Variants in PMS1 observed in about 807,000 individuals in gnomAD.
The protein encoded by PMS1 is PMS1 protein homolog 1.
Under a neutral mutation model 93.1 loss-of-function variants are expected in PMS1, and 79 were observed. The ratio of observed to expected loss-of-function variants is 0.85; its 90% CI spans 0.71 to 1.02. The LOEUF (loss-of-function observed/expected upper bound fraction) is 1.02, where lower values mean the gene tolerates loss of function less well. Among genes scored for constraint, PMS1 ranks in the 50% least tolerant of loss-of-function variants. The probability of loss-of-function intolerance (pLI) is 0.00; values close to 1 mark genes in which losing one functional copy is unlikely to be tolerated. For missense variants in PMS1, 1,064 were observed against 1,085.3 expected, an observed-to-expected ratio of 0.98 and a Z score of 0.28; for synonymous variants, 335 against 363.4, an observed-to-expected ratio of 0.92 and a Z score of 0.89.
intron 9 of PMS1, among the ~76,000 whole-genome samples, chr2:189,860,146 T>C: frequency 6.6e-6 from 1 of 152,222 alleles, no homozygotes; most frequent in East Asian, 1.9e-4. Flanking sequence ...TGCATTTTCA[T>C]ACATGTGTAC....
At chr2:189,876,685 T>C (rs2057593395) in intron 12 of PMS1, among the ~76,000 whole-genome samples, 1 of 152,010 alleles carries the variant, frequency 6.6e-6, no homozygotes, top group South Asian at 2.1e-4. Context: ...CACAGCTCAC[T>C]GCAGTCTTGA....
At chr2:189,826,806 A>G (rs1487941862) in intron 5 of PMS1, among the ~76,000 whole-genome samples, 1 of 152,262 alleles carries the variant, frequency 6.6e-6, no homozygotes, top group East Asian at 1.9e-4. Flanking sequence ...TATTCCCCTT[A>G]ATAGTGAGTG....
Position 189,867,875 on chromosome 2 carries a change from T to TA in PMS1, c.2420dup (p.Tyr807Ter), listed in dbSNP as rs1300082943. 1 of 1,597,222 alleles carries TA rather than the reference T, an allele frequency of 6.3e-7. No homozygotes were observed. Among genetic ancestry groups the TA allele is most frequent in the African/African-American group, 1.3e-5 (1 of 74,608 alleles). The change falls in exon 11 of 13, where the codon TAC becomes TAAC. Residue 807 changes from tyrosine to a stop codon, truncating the protein, a stop_gained and frameshift_variant. Coordinates refer to ENST00000441310, the MANE Select transcript of PMS1 (RefSeq NM_000534.5). LOFTEE classifies it high-confidence loss of function. ...ADDQRYSGSTYLSDPRLTANG... is the reference protein window; with the variant it reads ...ADDQRYSGST ...TGACCAAAGATACAGTGGATCAACT[T>TA]ACCTGTCTGATCCTCGTCTTACAGC...
At chr2:189,827,378 T>G (rs1243313481) in intron 5 of PMS1, among the ~76,000 whole-genome samples, 1 of 152,234 alleles carries the variant, frequency 6.6e-6, no homozygotes, top group African/African-American at 2.4e-5. Context: ...TCTAAGGCCC[T>G]TTTTAACTCT....
intron 3 of PMS1, 139 bp from the exon 4 acceptor site, chr2:189,805,513 A>G: frequency 1.3e-6 from 1 of 754,480 alleles, no homozygotes; most frequent in Non-Finnish European, 2.3e-6. Context: ...GAATATTACA[A>G]AAGAACTGGT....
intron 1 of PMS1, 199 bp downstream of exon 1, chr2:189,784,792 G>A (rs997459932): frequency 1.3e-5 from 2 of 152,296 alleles, no homozygotes; most frequent in Non-Finnish European, 2.9e-5. Flanking sequence ...GGGGTGTTCT[G>A]GCTTGGTCTT....
Position 189,799,902 on chromosome 2 carries a change from C to A in PMS1, c.315+3951C>A, listed in dbSNP as rs139588074. 1.2e-3 allele frequency among the ~76,000 whole-genome samples: 184 copies of A among 152,322 alleles called. 2 individuals carry two copies. Among genetic ancestry groups the A allele is most frequent in the African/African-American group, 4.0e-3 (165 of 41,578 alleles). On this transcript the variant is annotated intron_variant, in intron 3 of 12. Coordinates refer to ENST00000441310, the MANE Select transcript of PMS1 (RefSeq NM_000534.5). ...CTGGTGATCATCCCAAAGAACCCCC[C>A]AATAAACTGACTGCTCACTAATCTC...
intron 2 of PMS1, among the ~76,000 whole-genome samples, chr2:189,795,337 T>C (rs965092722): frequency 3.9e-5 from 6 of 152,230 alleles, no homozygotes; most frequent in Non-Finnish European, 7.3e-5. Context: ...TGAATAATGA[T>C]ACTTGCTAGG....
In PMS1 at chr2:189,803,764, T is replaced by A. The variant is rs146493422; in HGVS notation, c.316-1888T>A. On this transcript the variant is annotated intron_variant, in intron 3 of 12. Coordinates refer to ENST00000441310, the MANE Select transcript of PMS1 (RefSeq NM_000534.5). ...TTCATAAATTTATGAAGTACACTTATGTGTTTGCTTTATGCTTTACTGTCT... is the reference window on the plus strand; with the variant it reads ...TTCATAAATTTATGAAGTACACTTAAGTGTTTGCTTTATGCTTTACTGTCT... Among the ~76,000 whole-genome samples, 464 of 152,346 alleles carry A rather than the reference T, an allele frequency of 3.0e-3. 12 individuals are homozygous for A. The highest frequency in any genetic ancestry group is 6.3e-4 in the Non-Finnish European group (43 of 68,036).
chr2:189,792,842 C>T (rs1233261), intron 2 of PMS1, among the ~76,000 whole-genome samples: 2,809 of 151,286 alleles, frequency 0.019, 83 homozygotes, highest in African/African-American at 0.064. Context: ...GGCAGAGTCT[C>T]GCTTTTTCGC....
chr2:189,862,159 T>A (rs1411776593), intron 9 of PMS1, among the ~76,000 whole-genome samples: 2 of 152,176 alleles, frequency 1.3e-5, no homozygotes, highest in Non-Finnish European at 2.9e-5. Flanking sequence ...TGCAATGCTT[T>A]TCCAGTTGTC....
Position 189,789,778 on chromosome 2 carries a change from CAAAG to C in PMS1, c.-20-2011_-20-2008del, listed in dbSNP as rs2048677293. On this transcript the variant is annotated intron_variant, in intron 1 of 12. Coordinates refer to ENST00000441310, the MANE Select transcript of PMS1 (RefSeq NM_000534.5). ...GGAGCATGTAACTAGTCATGGGAAA[CAAAG>C]TACCTTGAGTCCACCCCCAGCCCCC... Among the ~76,000 whole-genome samples, 10 of 152,214 alleles carry C rather than the reference CAAAG, an allele frequency of 6.6e-5. No homozygotes were observed. In the South Asian group the frequency reaches 2.1e-3, roughly 32 times the overall value.
intron 5 of PMS1, among the ~76,000 whole-genome samples, chr2:189,840,807 T>C (rs2053762188): frequency 6.6e-6 from 1 of 152,208 alleles, no homozygotes; most frequent in African/African-American, 2.4e-5. Flanking sequence ...TTTTGGACTT[T>C]ACTATTCTAA....
In PMS1 at chr2:189,853,875, T is replaced by A. The variant is rs540676002; in HGVS notation, c.823-64T>A. On this transcript the variant is annotated intron_variant, in intron 7 of 12. Transcript: ENST00000441310. ...TACTCAATTTCTCAGTTGAATTTGC[T>A]GGGTTTTATTGTACTTTTTAATTAC... 71 of 1,030,674 alleles carry A rather than the reference T, an allele frequency of 6.9e-5. No homozygotes were observed. The African/African-American group carries it at 1.0e-3, about 15-fold the overall frequency. The allele number at this position is 1,030,674 out of a possible 1,614,324, so 63.8% of individuals were successfully genotyped here.
chr2:189,802,745 A>G (rs1477892829), intron 3 of PMS1, among the ~76,000 whole-genome samples: 1 of 152,224 alleles, frequency 6.6e-6, no homozygotes, highest in African/African-American at 2.4e-5. Flanking sequence ...TAATGTCATT[A>G]TGATGGTTCT....
intron 9 of PMS1, among the ~76,000 whole-genome samples, chr2:189,861,775 A>G (rs145841066): frequency 1.3e-5 from 2 of 151,464 alleles, no homozygotes; most frequent in East Asian, 3.9e-4. Context: ...TTTCACTGTC[A>G]TCTGGCTCTG....
At chr2:189,796,773 C>T (rs992034164) in intron 3 of PMS1, among the ~76,000 whole-genome samples, 4 of 152,118 alleles carry the variant, frequency 2.6e-5, no homozygotes, top group Admixed American at 6.5e-5. Context: ...TCATTTTCAT[C>T]GGTGGACACC....
chr2:189,876,703 G>T (rs765688986), intron 12 of PMS1, among the ~76,000 whole-genome samples: 10 of 151,830 alleles, frequency 6.6e-5, no homozygotes, highest in Non-Finnish European at 1.5e-4. Flanking sequence ...TGACCTTCAG[G>T]CTCAAGTGAT....
intron 5 of PMS1, among the ~76,000 whole-genome samples, chr2:189,838,854 A>C (rs1184909893): frequency 6.6e-6 from 1 of 152,224 alleles, no homozygotes; most frequent in African/African-American, 2.4e-5. Context: ...AAGCTGTAGC[A>C]TGATAGCTAG....
Sources: allele counts gnomAD v4.1 joint callset (sites outside exome capture counted in the v4.1 genomes callset), GRCh38; gene constraint gnomAD v4.1.1; transcripts MANE v1.5; gene names NCBI Gene and HGNC (gene_info 2026-07-23, HGNC 2026-07-21).